The following CREB5 variants were observed in gnomAD, a reference collection of about 807,000 sequenced individuals.
The protein encoded by CREB5 is cyclic AMP-responsive element-binding protein 5.
Under a neutral mutation model 57.1 loss-of-function variants are expected in CREB5, and 19 were observed. The ratio of observed to expected loss-of-function variants is 0.33; its 90% CI spans 0.23 to 0.49. CREB5 has a LOEUF of 0.49. Among genes scored for constraint, CREB5 ranks in the 20% least tolerant of loss-of-function variants. The pLI is 0.99. For synonymous variants in CREB5, 238 were observed against 238.3 expected, an observed-to-expected ratio of 1.00 and a Z score of 0.01; for missense variants, 579 against 671.6, an observed-to-expected ratio of 0.86 and a Z score of 1.52.
intron 5 of CREB5, among the ~76,000 whole-genome samples, chr7:28,641,368 A>G (rs1184441544): frequency 1.3e-5 from 2 of 152,144 alleles, no homozygotes; most frequent in African/African-American, 4.8e-5. Context: ...CGTGGAACCA[A>G]GAAAAGCTGG....
intron 5 of CREB5, among the ~76,000 whole-genome samples, chr7:28,591,190 G>T (rs1796499511): frequency 6.6e-6 from 1 of 152,182 alleles, no homozygotes; most frequent in African/African-American, 2.4e-5. Context: ...AAGAGCAATG[G>T]CCAAAGGGCA....
At chr7:28,498,810 G>A (rs939881737) in intron 3 of CREB5, among the ~76,000 whole-genome samples, 4 of 152,126 alleles carry the variant, frequency 2.6e-5, no homozygotes, top group Admixed American at 6.5e-5. Flanking sequence ...TTTGGTCCAC[G>A]TGATGCATTT....
intron 1 of CREB5, chr7:28,435,773 C>G: frequency 3.1e-6 from 2 of 644,596 alleles, no homozygotes; most frequent in Non-Finnish European, 1.9e-6. Flanking sequence ...AGAAGATGCT[C>G]TGGTATGAAA....
At chr7:28,619,459 A>C (rs1339407860) in intron 5 of CREB5, among the ~76,000 whole-genome samples, 1 of 152,180 alleles carries the variant, frequency 6.6e-6, no homozygotes, top group African/African-American at 2.4e-5. Context: ...TAAAAAGAGA[A>C]CATTGTTTGC....
intron 4 of CREB5, among the ~76,000 whole-genome samples, chr7:28,526,079 AGGT>A (rs1793437039): frequency 6.6e-6 from 1 of 152,188 alleles, no homozygotes; most frequent in African/African-American, 2.4e-5. Context: ...CCTGGATTTT[AGGT>A]GGTGGTTGTG....
intron 4 of CREB5, among the ~76,000 whole-genome samples, chr7:28,550,087 C>T (rs1051221597): frequency 1.4e-4 from 22 of 151,942 alleles, no homozygotes; most frequent in African/African-American, 5.1e-4. Flanking sequence ...GATTTTGCTG[C>T]TTCTCCTTCC....
intron 5 of CREB5, among the ~76,000 whole-genome samples, chr7:28,685,173 T>C (rs1201815925): frequency 1.3e-5 from 2 of 152,176 alleles, no homozygotes; most frequent in Non-Finnish European, 2.9e-5. Flanking sequence ...GGGCACAGCC[T>C]GTCTTTCATT....
rs113405139 is a variant in CREB5 at position 28,400,514 on chromosome 7, T to C, written c.-24-94392T>C. ...CCAGTGTACTGTTTATACTGCAGTC[T>C]CTTTAAGTGTCAAGTAAGGGCATTG... is the stretch of plus-strand genomic sequence containing the variant. On this transcript the variant is annotated intron_variant, in intron 1 of 9. Transcript: ENST00000396299. Among the ~76,000 whole-genome samples, 312 of 152,314 alleles carry C rather than the reference T, an allele frequency of 2.0e-3. 7 individuals are homozygous for C. The highest frequency in any genetic ancestry group is 7.1e-3 in the African/African-American group (294 of 41,578).
At chr7:28,567,716 G>T (rs796744914) in intron 4 of CREB5, among the ~76,000 whole-genome samples, 4 of 152,310 alleles carry the variant, frequency 2.6e-5, no homozygotes, top group Non-Finnish European at 4.4e-5. Context: ...GGGCATTGGC[G>T]TTAGAAAGCA....
At chr7:28,362,750 A>G (rs1380283077) in intron 1 of CREB5, among the ~76,000 whole-genome samples, 1 of 152,222 alleles carries the variant, frequency 6.6e-6, no homozygotes, top group Non-Finnish European at 1.5e-5. Context: ...CCTTGGGTAG[A>G]GGTACACACA....
intron 9 of CREB5, among the ~76,000 whole-genome samples, chr7:28,812,189 A>C (rs1364132202): frequency 1.3e-5 from 2 of 152,226 alleles, no homozygotes; most frequent in Admixed American, 1.3e-4. Flanking sequence ...AGGAGCCAAA[A>C]ATAGCCAGCT....
At chr7:28,303,448 G>A (rs1785136038) in intron 1 of CREB5, among the ~76,000 whole-genome samples, 1 of 152,198 alleles carries the variant, frequency 6.6e-6, no homozygotes, top group Admixed American at 6.5e-5. Context: ...GGGGAAATTA[G>A]CCAGCCTTTA....
In CREB5 at chr7:28,673,286, T is replaced by TC. The variant is rs537447950; in HGVS notation, c.465-45463dup. On this transcript the variant is annotated intron_variant, in intron 5 of 10. Coordinates refer to ENST00000357727, the MANE Select transcript of CREB5 (RefSeq NM_182898.4). ...TATCATCACACATTCTAAAAGGACC[T>TC]CCCCATTTTAAAACCTGTCCCAGGA... Among the ~76,000 whole-genome samples, 33 of 152,164 alleles carry TC rather than the reference T, an allele frequency of 2.2e-4. 1 individual carries two copies. The highest frequency in any genetic ancestry group is 1.1e-3 in the Admixed American group (17 of 15,280).
In CREB5 at chr7:28,809,231, G is replaced by A; in HGVS notation, c.1071G>A (p.Gln357=). ...TQQMQPTQTI[Q]PPQPTGGRRR... is the part of the protein sequence containing the mutation. ...AGATGCAGCCAACCCAGACAATACA[G>A]CCACCCCAGCCCACAGGGGGGCGCC... The change falls in exon 9 of 11, where the codon CAG becomes CAA. Residue 357 remains glutamine (Q), a synonymous_variant. Transcript: ENST00000357727. 6.2e-7 allele frequency: 1 copy of A among 1,614,078 alleles called. No homozygotes were observed. The highest frequency in any genetic ancestry group is 8.5e-7 in the Non-Finnish European group (1 of 1,179,990).
intron 1 of CREB5, among the ~76,000 whole-genome samples, chr7:28,319,435 TGTC>T (rs1785447820): frequency 6.6e-6 from 1 of 152,198 alleles, no homozygotes; most frequent in African/African-American, 2.4e-5. Flanking sequence ...AGCAAAGGTG[TGTC>T]GTCCTTTGAT....
chr7:28,638,053 T>C (rs160364), intron 5 of CREB5, among the ~76,000 whole-genome samples: 2 of 152,034 alleles, frequency 1.3e-5, no homozygotes, highest in Non-Finnish European at 1.5e-5. Context: ...CTTTCCTGAG[T>C]GTAAATATTG....
intron 1 of CREB5, among the ~76,000 whole-genome samples, chr7:28,429,544 T>C (rs1230454873): frequency 1.3e-5 from 2 of 152,204 alleles, no homozygotes; most frequent in African/African-American, 4.8e-5. Flanking sequence ...CTGTTTTTCT[T>C]ATCTTCTTAA....
At chr7:28,773,270 A>G (rs910858371) in intron 7 of CREB5, among the ~76,000 whole-genome samples, 3 of 152,176 alleles carry the variant, frequency 2.0e-5, no homozygotes, top group Non-Finnish European at 4.4e-5. Context: ...TTTCAAAGCT[A>G]GGACCAAATA....
intron 5 of CREB5, among the ~76,000 whole-genome samples, chr7:28,638,333 G>A (rs2128698207): frequency 4.5e-5 from 1 of 22,278 alleles, no homozygotes; most frequent in African/African-American, 2.9e-4. Flanking sequence ...TTGCTAGGAA[G>A]GTTTGCATAT....
Sources: gnomAD v4.1 joint callset for allele counts (sites outside exome capture counted in the v4.1 genomes callset) on GRCh38, gnomAD v4.1.1 for gene constraint, MANE v1.5 for transcripts, NCBI Gene and HGNC (gene_info 2026-07-23, HGNC 2026-07-21) for gene names.